Variants in NTM observed in about 807,000 individuals in gnomAD.
NTM encodes the protein neurotrimin, also known as IgLON family member 2.
In NTM, 13 loss-of-function variants were observed where a neutral mutation model predicts 42.1. That is an observed-to-expected ratio of 0.31 (90% CI 0.20 to 0.49). The LOEUF (loss-of-function observed/expected upper bound fraction) is 0.49. NTM is among the 20% of genes least tolerant of loss of function. The pLI is 0.99. For missense variants in NTM, 373 were observed against 452.8 expected (o/e 0.82, Z 1.60); for synonymous variants, 187 against 179.2 (o/e 1.04, Z -0.35).
At position 132,146,494 on chromosome 11, in the gene NTM, G is replaced by C; in HGVS notation, c.380G>C (p.Arg127Thr). 1 of 1,614,166 alleles carries C rather than the reference G, an allele frequency of 6.2e-7. No homozygotes were observed. The highest frequency in any genetic ancestry group is 1.7e-5 in the Admixed American group (1 of 60,022). The stretch of plus-strand genomic sequence containing the variant: ...ACAGACAACCACCCAAAGACCTCTA[G>C]GGTCCACCTCATTGTGCAAGGTAGG... ...VQTDNHPKTS[R>T]VHLIVQVSPK... The change falls in exon 3 of 9, where the codon AGG (arginine) becomes ACG (threonine). Residue 127 changes from arginine (R) to threonine (T), a missense_variant. By Grantham distance (71) the Arg-to-Thr change is moderately conservative. Coordinates refer to ENST00000683400, the MANE Select transcript of NTM (RefSeq NM_001352005.2). This position sits in a 1 kb window ranked among gnomAD's most constrained non-coding sequence, Gnocchi z 4.5.
At chr11:131,711,831 G>T (rs940140935) in intron 1 of NTM, among the ~76,000 whole-genome samples, 5 of 151,790 alleles carry the variant, frequency 3.3e-5, no homozygotes, top group African/African-American at 1.2e-4. Flanking sequence ...GTCCTTTGTA[G>T]GGACATGGAT....
intron 2 of NTM, among the ~76,000 whole-genome samples, chr11:132,101,152 T>A (rs1238499376): frequency 1.3e-5 from 2 of 152,194 alleles, no homozygotes; most frequent in African/African-American, 4.8e-5. Flanking sequence ...CTTTCCTACC[T>A]CTATGGACTT....
chr11:131,383,080 T>C (rs1238395236), intron 1 of NTM, among the ~76,000 whole-genome samples: 1 of 152,216 alleles, frequency 6.6e-6, no homozygotes, highest in Non-Finnish European at 1.5e-5. Context: ...GTCCATTGTT[T>C]AAATCCATTG....
intron 1 of NTM, among the ~76,000 whole-genome samples, chr11:131,842,073 AGC>A (rs2044326857): frequency 6.6e-6 from 1 of 152,216 alleles, no homozygotes; most frequent in African/African-American, 2.4e-5. Flanking sequence ...GCACCACATG[AGC>A]GAGCAGCACC....
intron 1 of NTM, among the ~76,000 whole-genome samples, chr11:131,822,033 T>C (rs940361686): frequency 1.3e-5 from 2 of 152,186 alleles, no homozygotes; most frequent in Admixed American, 1.3e-4. Flanking sequence ...CTCAGGAAAG[T>C]CGAAACACTT....
At chr11:131,499,569 C>A (rs1000250625) in intron 1 of NTM, among the ~76,000 whole-genome samples, 5 of 152,168 alleles carry the variant, frequency 3.3e-5, no homozygotes, top group Non-Finnish European at 5.9e-5. Context: ...CGGATCATAT[C>A]ATTTTTTCCT....
At chr11:131,946,113 A>T (rs952245201) in intron 2 of NTM, among the ~76,000 whole-genome samples, 7 of 152,142 alleles carry the variant, frequency 4.6e-5, no homozygotes, top group African/African-American at 1.7e-4. Flanking sequence ...ATCTGGGTAA[A>T]GGGGGAGATA....
chr11:132,223,514 C>T (rs1297392411), intron 4 of NTM, among the ~76,000 whole-genome samples: 1 of 152,162 alleles, frequency 6.6e-6, no homozygotes, highest in Admixed American at 6.5e-5. Flanking sequence ...GGCACGCTCA[C>T]AGAACATCAA....
At chr11:131,923,288 T>G (rs1565745229) in intron 2 of NTM, among the ~76,000 whole-genome samples, 1 of 152,224 alleles carries the variant, frequency 6.6e-6, no homozygotes, top group Non-Finnish European at 1.5e-5. Context: ...TTTATAGTGA[T>G]TACATTACTG....
intron 1 of NTM, among the ~76,000 whole-genome samples, chr11:131,610,653 T>A (rs1392812142): frequency 6.6e-6 from 1 of 152,128 alleles, no homozygotes; most frequent in Non-Finnish European, 1.5e-5. Flanking sequence ...CTCCAGCCCC[T>A]GAGAAGTGTT....
At chr11:131,655,680 A>G (rs114515017) in intron 1 of NTM, among the ~76,000 whole-genome samples, 1,768 of 152,298 alleles carry the variant, frequency 0.012, 40 homozygotes, top group African/African-American at 0.04. Context: ...GGCAGGGAGG[A>G]CAATTGAGAT....
At chr11:131,789,826 G>T (rs1307263724) in intron 1 of NTM, among the ~76,000 whole-genome samples, 2 of 150,718 alleles carry the variant, frequency 1.3e-5, no homozygotes, top group African/African-American at 4.9e-5. Context: ...TGTGGTGGCG[G>T]GAGCCTGTAG....
At chr11:131,727,166 A>G (rs1232111565) in intron 1 of NTM, among the ~76,000 whole-genome samples, 1 of 147,818 alleles carries the variant, frequency 6.8e-6, no homozygotes, top group Non-Finnish European at 1.5e-5. Flanking sequence ...ACCTTTGTGT[A>G]AGGAAAAGCA....
chr11:131,500,884 C>T (rs2046732164), intron 1 of NTM, among the ~76,000 whole-genome samples: 1 of 150,946 alleles, frequency 6.6e-6, no homozygotes, highest in African/African-American at 2.4e-5. Context: ...TGATGGTTTC[C>T]AGCTTCATCC....
chr11:132,136,701 T>C (rs2067984806), intron 2 of NTM, among the ~76,000 whole-genome samples: 1 of 152,208 alleles, frequency 6.6e-6, no homozygotes, highest in South Asian at 2.1e-4. Context: ...GGGTATGATT[T>C]TGGTCTCCTA....
At chr11:131,990,197 G>A (rs2066776365) in intron 2 of NTM, among the ~76,000 whole-genome samples, 1 of 152,022 alleles carries the variant, frequency 6.6e-6, no homozygotes. Flanking sequence ...GCTGATAAAT[G>A]GAAAATTCTA....
intron 1 of NTM, among the ~76,000 whole-genome samples, chr11:131,504,588 G>C (rs551590619): frequency 1.3e-5 from 2 of 152,152 alleles, no homozygotes; most frequent in Admixed American, 6.5e-5. Flanking sequence ...CCCACAGATG[G>C]TGTTACCAAA....
At position 132,120,021 on chromosome 11, in the gene NTM, C is replaced by T. The variant is rs1344436599; in HGVS notation, c.168-26261C>T. Among the ~76,000 whole-genome samples the T allele has an allele frequency of 4.6e-5, 7 of 152,320 alleles. 1 individual carries two copies. Among genetic ancestry groups the T allele is most frequent in the South Asian group, 2.1e-4 (1 of 4,820 alleles). On this transcript the variant is annotated intron_variant, in intron 2 of 8. Coordinates refer to ENST00000683400, the MANE Select transcript of NTM (RefSeq NM_001352005.2). ...GAAATTGACAAATCTCAGAAGAATG[C>T]GATTCTGGGCATTCTCTATTGCACG...
At chr11:132,168,292 C>G (rs2075594531) in intron 3 of NTM, among the ~76,000 whole-genome samples, 3 of 152,218 alleles carry the variant, frequency 2.0e-5, no homozygotes, top group Non-Finnish European at 4.4e-5. Flanking sequence ...TCTCATTTCT[C>G]CAAATAGCTT....
Sources: gnomAD v4.1 joint callset for allele counts (sites outside exome capture counted in the v4.1 genomes callset) on GRCh38, gnomAD v4.1.1 for gene constraint, Gnocchi (gnomAD v3.1) non-coding constraint, MANE v1.5 for transcripts, NCBI Gene and HGNC (gene_info 2026-07-23, HGNC 2026-07-21) for gene names.